Variants in HTR1F observed in about 807,000 individuals in gnomAD.
HTR1F encodes the protein 5-hydroxytryptamine (serotonin) receptor 1F, G protein-coupled.
A neutral mutation model predicts 24.0 loss-of-function variants in HTR1F; 17 were observed. That is an observed-to-expected ratio of 0.71 (90% confidence interval 0.48 to 1.06). The LOEUF (loss-of-function observed/expected upper bound fraction) is 1.06. Among genes scored for constraint, HTR1F ranks in the 50% least tolerant of loss-of-function variants. The pLI, the probability that HTR1F is intolerant of heterozygous loss-of-function variation, is 0.00. For missense variants in HTR1F, 391 were observed against 427.8 expected, an observed-to-expected ratio of 0.91 and a Z score of 0.76; for synonymous variants, 186 against 156.8, an observed-to-expected ratio of 1.19 and a Z score of -1.39.
At chr3:87,937,806 C>G (rs1387484218) in intron 2 of HTR1F, among the ~76,000 whole-genome samples, 2 of 151,906 alleles carry the variant, frequency 1.3e-5, no homozygotes, top group Non-Finnish European at 2.9e-5. Context: ...TGCCTGTAGT[C>G]CCAGCTACTC....
At chr3:87,870,363 C>A (rs1705527815) in intron 2 of HTR1F, among the ~76,000 whole-genome samples, 1 of 152,056 alleles carries the variant, frequency 6.6e-6, no homozygotes. Context: ...AAGACAGTAA[C>A]TTAATAACAA....
At chr3:87,889,537 TCTGA>T (rs759247728) in intron 2 of HTR1F, among the ~76,000 whole-genome samples, 2 of 152,164 alleles carry the variant, frequency 1.3e-5, no homozygotes, top group Non-Finnish European at 1.5e-5. Context: ...GGACAAGTGT[TCTGA>T]CTAAGAAGAT....
rs1176527513 is a variant in HTR1F at position 87,902,403 on chromosome 3, G to GA, written c.-43+80286dup. 5.3e-5 allele frequency among the ~76,000 whole-genome samples: 8 copies of GA among 151,974 alleles called. No homozygotes were observed. The East Asian group carries it at 1.5e-3, about 29-fold the overall frequency. On this transcript the variant is annotated intron_variant, in intron 2 of 2. Coordinates refer to ENST00000319595, the MANE Select transcript of HTR1F (RefSeq NM_001322209.2). ...CTTGATTCCTACCCCACAGCATGGGGAAAAAAAGTCAATTCCAAGTAGATC... is the reference window on the plus strand; with the variant it reads ...CTTGATTCCTACCCCACAGCATGGGGAAAAAAAAGTCAATTCCAAGTAGATC...
chr3:87,910,426 C>T (rs1164887572), intron 2 of HTR1F: 3 of 151,916 alleles, frequency 2.0e-5, no homozygotes, highest in African/African-American at 4.8e-5. Flanking sequence ...ACCTAACTAT[C>T]GTAAATATGT....
At chr3:87,932,313 A>G (rs991662810) in intron 2 of HTR1F, among the ~76,000 whole-genome samples, 79 of 152,144 alleles carry the variant, frequency 5.2e-4, no homozygotes, top group Admixed American at 1.5e-3. Flanking sequence ...TCCTTTCCCT[A>G]TTTCTTGTTT....
intron 2 of HTR1F, among the ~76,000 whole-genome samples, chr3:87,860,149 T>A (rs1178242094): frequency 6.6e-6 from 1 of 152,198 alleles, no homozygotes; most frequent in Admixed American, 6.5e-5. Context: ...AATCTGCATA[T>A]ACCATTTTAC....
At chr3:87,962,923 A>G (rs1705091986) in intron 2 of HTR1F, among the ~76,000 whole-genome samples, 1 of 152,022 alleles carries the variant, frequency 6.6e-6, no homozygotes, top group Non-Finnish European at 1.5e-5. Flanking sequence ...ATACTAATAG[A>G]CAATAAATAC....
intron 2 of HTR1F, among the ~76,000 whole-genome samples, chr3:87,923,279 A>AT (rs915186350): frequency 8.6e-5 from 13 of 151,886 alleles, no homozygotes; most frequent in Non-Finnish European, 1.2e-4. Context: ...ATTTTAGAAT[A>AT]TTTTTTTATT....
intron 2 of HTR1F, among the ~76,000 whole-genome samples, chr3:87,959,349 A>T (rs1442367646): frequency 6.6e-6 from 1 of 151,832 alleles, no homozygotes; most frequent in Non-Finnish European, 1.5e-5. Flanking sequence ...ATAATATCCA[A>T]ATTCTCCCTT....
At chr3:87,827,123 C>CT (rs61445115) in intron 2 of HTR1F, among the ~76,000 whole-genome samples, 3,141 of 143,610 alleles carry the variant, frequency 0.022, 102 homozygotes, top group African/African-American at 0.073. Context: ...TTCTTTCTTT[C>CT]TTTTTTTTTT....
intron 2 of HTR1F, among the ~76,000 whole-genome samples, chr3:87,846,699 G>T (rs1239861266): frequency 1.3e-5 from 2 of 151,868 alleles, no homozygotes; most frequent in Non-Finnish European, 2.9e-5. Flanking sequence ...ACACTATTCG[G>T]TAATATAATA....
intron 2 of HTR1F, among the ~76,000 whole-genome samples, chr3:87,880,702 C>T (rs1258687458): frequency 1.3e-5 from 2 of 149,202 alleles, no homozygotes; most frequent in Non-Finnish European, 3.0e-5. Context: ...CCATATATGG[C>T]GGGGCGGGGA....
chr3:87,861,409 C>T (rs1299096772), intron 2 of HTR1F, among the ~76,000 whole-genome samples: 4 of 152,066 alleles, frequency 2.6e-5, no homozygotes, highest in Non-Finnish European at 4.4e-5. Context: ...GCTTTACCTC[C>T]TGAAAATGAC....
intron 2 of HTR1F, among the ~76,000 whole-genome samples, chr3:87,925,871 T>G (rs1704114612): frequency 6.6e-6 from 1 of 152,190 alleles, no homozygotes. Flanking sequence ...ATCGAGTTTT[T>G]GTACTTCAGA....
intron 2 of HTR1F, among the ~76,000 whole-genome samples, chr3:87,897,723 G>A (rs1276574543): frequency 6.6e-6 from 1 of 151,972 alleles, no homozygotes; most frequent in Non-Finnish European, 1.5e-5. Flanking sequence ...TTTCCCAGAA[G>A]CAACCATTTT....
chr3:87,950,311 A>G (rs927731507), intron 2 of HTR1F, among the ~76,000 whole-genome samples: 15 of 152,164 alleles, frequency 9.9e-5, no homozygotes, highest in African/African-American at 3.6e-4. Flanking sequence ...CATAGCAAAC[A>G]ACTTTTGTAT....
chr3:87,936,947 A>C (rs1176594459), intron 2 of HTR1F, among the ~76,000 whole-genome samples: 2 of 152,134 alleles, frequency 1.3e-5, no homozygotes, highest in Non-Finnish European at 2.9e-5. Context: ...TTCCCTGAAC[A>C]GACCAATAAT....
At chr3:87,865,422 G>T (rs1359786346) in intron 2 of HTR1F, among the ~76,000 whole-genome samples, 1 of 151,922 alleles carries the variant, frequency 6.6e-6, no homozygotes, top group African/African-American at 2.4e-5. Context: ...TCAGGAAATA[G>T]AATATTATCA....
chr3:87,975,978 T>C (rs79272348), intron 2 of HTR1F, among the ~76,000 whole-genome samples: 1,599 of 152,324 alleles, frequency 0.01, 25 homozygotes, highest in African/African-American at 0.036. Context: ...CTGCTTTATG[T>C]ACCAGCCCCA....
Sources: allele counts gnomAD v4.1 joint callset (sites outside exome capture counted in the v4.1 genomes callset), GRCh38; gene constraint gnomAD v4.1.1; transcripts MANE v1.5; gene names NCBI Gene and HGNC (gene_info 2026-07-23, HGNC 2026-07-21).